STAT3: variants seen among roughly 807,000 people sequenced by gnomAD.
The protein encoded by STAT3 is DNA-binding protein APRF.
In STAT3, 7 loss-of-function variants were observed where a neutral mutation model predicts 114.3. The observed-to-expected ratio is 0.06, with a 90% CI of 0.03 to 0.11. STAT3 has a LOEUF of 0.11. STAT3 is among the 10% of genes least tolerant of loss of function. The probability of loss-of-function intolerance (pLI) is 1.00; values close to 1 mark genes in which losing one functional copy is unlikely to be tolerated. For missense variants in STAT3, 364 were observed against 960.9 expected (o/e 0.38, Z 8.21); for synonymous variants, 331 against 354.5 (o/e 0.93, Z 0.74).
At chr17:42,330,435 CT>C (rs551847953) in intron 11 of STAT3, among the ~76,000 whole-genome samples, 160 of 98,090 alleles carry the variant, frequency 1.6e-3, no homozygotes, top group Admixed American at 1.9e-3. Context: ...CTTTTCTTTT[CT>C]TTTTTTTTTT....
chr17:42,331,989 G>A lies in STAT3; in HGVS notation c.1050-458C>T, dbSNP rs191990340. 1.2e-3 allele frequency among the ~76,000 whole-genome samples: 178 copies of A among 151,158 alleles called. 3 individuals are homozygous for A. The East Asian group carries it at 0.031, about 26-fold the overall frequency. On this transcript the variant is annotated intron_variant, in intron 10 of 23. Transcript: ENST00000264657. ...GTTACCCAGGCTGGAGTGCAATGGC[G>A]CAATCTCCGTTCACCGCAACCTCCG...
chr17:42,322,895 G>A (rs1053686268), intron 20 of STAT3, 109 bp downstream of exon 20: 1 of 1,491,418 alleles, frequency 6.7e-7, no homozygotes, highest in Non-Finnish European at 9.3e-7. Context: ...GTGAAACAGG[G>A]AGTCAAGGCC....
intron 22 of STAT3, 55 bp downstream of exon 22, chr17:42,317,127 G>A (rs2081284997): frequency 6.2e-7 from 1 of 1,612,062 alleles, no homozygotes; most frequent in Non-Finnish European, 8.5e-7. Context: ...CCCATTCCCA[G>A]GGATAACTGA....
chr17:42,359,646 G>A (rs1488938520), intron 1 of STAT3, among the ~76,000 whole-genome samples: 1 of 152,158 alleles, frequency 6.6e-6, no homozygotes, highest in Non-Finnish European at 1.5e-5. Flanking sequence ...CTTTTTACAA[G>A]AAGCCAGGCG....
At chr17:42,339,215 C>A in intron 5 of STAT3, 99 bp downstream of exon 5, 5 of 1,180,032 alleles carry the variant, frequency 4.2e-6, no homozygotes, top group East Asian at 2.5e-5. Flanking sequence ...GTGATCATGC[C>A]ACTGCAGCCC....
At chr17:42,348,593 T>C in intron 1 of STAT3, 54 bp from the exon 2 acceptor site, 6 of 1,604,418 alleles carry the variant, frequency 3.7e-6, no homozygotes, top group Non-Finnish European at 4.3e-6. Context: ...GGGTAAACAA[T>C]CTAGAAGTAG....
chr17:42,342,055 G>C (rs769424544), intron 4 of STAT3, among the ~76,000 whole-genome samples: 4 of 152,034 alleles, frequency 2.6e-5, no homozygotes, highest in Non-Finnish European at 5.9e-5. Flanking sequence ...AAATACAAAG[G>C]TTTTCCACAG....
chr17:42,366,863 T>A (rs1350691171), intron 1 of STAT3, among the ~76,000 whole-genome samples: 1 of 151,606 alleles, frequency 6.6e-6, no homozygotes. Context: ...GAGTCCTGGC[T>A]GGCACGGTGG....
At chr17:42,355,674 T>C (rs1055126252) in intron 1 of STAT3, among the ~76,000 whole-genome samples, 5 of 152,276 alleles carry the variant, frequency 3.3e-5, no homozygotes, top group African/African-American at 1.2e-4. Context: ...CAAATAACTA[T>C]TGTCTAATTG....
chr17:42,345,821 G>T (rs3736162), intron 3 of STAT3, among the ~76,000 whole-genome samples, 164 bp from the exon 4 acceptor site: 1 of 151,196 alleles, frequency 6.6e-6, no homozygotes, highest in Non-Finnish European at 1.5e-5. Context: ...TGTCGGCGGG[G>T]GGCGAAGGGG....
chr17:42,386,304 C>T (rs1477285501), intron 1 of STAT3, among the ~76,000 whole-genome samples: 2 of 148,536 alleles, frequency 1.3e-5, no homozygotes, highest in South Asian at 4.3e-4. Flanking sequence ...AAAAGAATTT[C>T]ACTGATACTT....
At chr17:42,367,908 A>G (rs924617860) in intron 1 of STAT3, among the ~76,000 whole-genome samples, 1 of 152,260 alleles carries the variant, frequency 6.6e-6, no homozygotes, top group African/African-American at 2.4e-5. Context: ...CTGAAGTACC[A>G]TAGGAGGTTA....
intron 6 of STAT3, 54 bp downstream of exon 6, chr17:42,338,677 T>A: frequency 1.3e-6 from 2 of 1,541,652 alleles, no homozygotes; most frequent in Non-Finnish European, 1.8e-6. Flanking sequence ...GTCTTTCAAC[T>A]CAACAACACA....
In STAT3 at chr17:42,317,303, C is replaced by T. The variant is rs17885291; in HGVS notation, c.2102-79G>A. 3,644 of 1,512,416 alleles carry T rather than the reference C, an allele frequency of 2.4e-3. 66 individuals are homozygous for T. In the African/African-American group the frequency reaches 0.042, roughly 18 times the overall value. The allele number at this position is 1,512,416 out of a possible 1,614,324, so 93.7% of individuals were successfully genotyped here. On this transcript the variant is annotated intron_variant, in intron 21 of 23. Coordinates refer to ENST00000264657, the MANE Select transcript of STAT3 (RefSeq NM_139276.3). Reference sequence around the variant, plus strand: ...CAGAGCTGGAGGAAGCCATCTGCCTCGGCAGGACTGATTTGAAACTCACTC... The same window carrying T: ...CAGAGCTGGAGGAAGCCATCTGCCTTGGCAGGACTGATTTGAAACTCACTC...
chr17:42,346,689 T>A lies in STAT3; in HGVS notation c.153A>T (p.Ser51=). 6.2e-7 allele frequency: 1 copy of A among 1,614,146 alleles called. No individual in the cohort carries two copies. Among genetic ancestry groups the A allele is most frequent in the South Asian group, 1.1e-5 (1 of 91,088 alleles). The change falls in exon 3 of 24, where the codon TCA becomes TCT. Residue 51 remains serine, a synonymous_variant. Coordinates refer to ENST00000264657, the MANE Select transcript of STAT3 (RefSeq NM_139276.3). The stretch of plus-strand genomic sequence containing the variant: ...GATTATGAAACACCAAAGTGGCATG[T>A]GATTCTTTGCTGGCCGCATATGCCC... ...QDWAYAASKE[S]HATLVFHNLL... is the part of the protein sequence containing the mutation.
chr17:42,346,054 T>A (rs936237349), intron 3 of STAT3, among the ~76,000 whole-genome samples: 15 of 151,890 alleles, frequency 9.9e-5, no homozygotes, highest in Non-Finnish European at 2.1e-4. Flanking sequence ...TTAAAAAAAA[T>A]TTCTGTAGAG....
Position 42,324,565 on chromosome 17 carries a change from C to G in STAT3, c.1600+146G>C. 8.3e-7 allele frequency: 1 copy of G among 1,200,586 alleles called. No homozygotes were observed. The highest frequency in any genetic ancestry group is 1.2e-6 in the Non-Finnish European group (1 of 856,220). The allele number at this position is 1,200,586 out of a possible 1,614,324, so 74.4% of individuals were successfully genotyped here. On this transcript the variant is annotated intron_variant, in intron 17 of 23. Coordinates refer to ENST00000264657, the MANE Select transcript of STAT3 (RefSeq NM_139276.3). This position sits in a 1 kb window ranked among gnomAD's most constrained non-coding sequence, Gnocchi z 4.5. ...TCTCTGCACCCCAACTCCCCAACTC[C>G]CCTGTTTCCTGGCACCAGCACAGCG...
At chr17:42,356,544 T>A (rs1237724873) in intron 1 of STAT3, among the ~76,000 whole-genome samples, 2,070 of 151,098 alleles carry the variant, frequency 0.014, 32 homozygotes, top group East Asian at 0.069. Context: ...TATATATTTT[T>A]TTTTTTTTAC....
intron 4 of STAT3, 63 bp downstream of exon 4, chr17:42,345,496 T>C: frequency 7.5e-7 from 1 of 1,340,652 alleles, no homozygotes. Context: ...ATTTATCTCA[T>C]TATAAAGTTG....
Sources: gnomAD v4.1 joint callset for allele counts (sites outside exome capture counted in the v4.1 genomes callset) on GRCh38, gnomAD v4.1.1 for gene constraint, Gnocchi (gnomAD v3.1) non-coding constraint, MANE v1.5 for transcripts, NCBI Gene and HGNC (gene_info 2026-07-23, HGNC 2026-07-21) for gene names.